Variants in SLC8A1 observed in about 807,000 individuals in gnomAD.
The protein encoded by SLC8A1 is sodium/calcium exchanger 1.
In SLC8A1, 18 loss-of-function variants were observed where a neutral mutation model predicts 68.3. That is an observed-to-expected ratio of 0.26 (90% CI 0.18 to 0.39). The LOEUF (loss-of-function observed/expected upper bound fraction) is 0.39, where lower values mean the gene tolerates loss of function less well. Among genes scored for constraint, SLC8A1 ranks in the 10% least tolerant of loss-of-function variants. The pLI, the probability that SLC8A1 is intolerant of heterozygous loss-of-function variation, is 1.00. For missense variants in SLC8A1, 985 were observed against 1,156.7 expected (o/e 0.85, Z 2.15); for synonymous variants, 475 against 415.5 (o/e 1.14, Z -1.74).
At chr2:40,204,660 A>G (rs573591721) in intron 2 of SLC8A1, among the ~76,000 whole-genome samples, 17 of 152,144 alleles carry the variant, frequency 1.1e-4, no homozygotes, top group African/African-American at 4.1e-4. Context: ...AATAGGTCAG[A>G]CAGGTTAGTC....
intron 2 of SLC8A1, among the ~76,000 whole-genome samples, chr2:40,259,365 A>C (rs926033784): frequency 6.6e-6 from 1 of 152,244 alleles, no homozygotes; most frequent in Non-Finnish European, 1.5e-5. Flanking sequence ...ACTTAACAGA[A>C]GTCCTACCCT....
intron 2 of SLC8A1, among the ~76,000 whole-genome samples, chr2:40,301,312 T>C (rs1489944041): frequency 6.6e-6 from 1 of 152,248 alleles, no homozygotes; most frequent in Non-Finnish European, 1.5e-5. Context: ...TGTGATAACT[T>C]GTCCAAGGCC....
intron 2 of SLC8A1, among the ~76,000 whole-genome samples, chr2:40,278,870 T>A (rs1397299585): frequency 2.0e-5 from 3 of 152,242 alleles, no homozygotes; most frequent in African/African-American, 2.4e-5. Context: ...AAGGTTTTTT[T>A]TAAATTATTA....
At chr2:40,301,867 C>G (rs2071522497) in intron 2 of SLC8A1, among the ~76,000 whole-genome samples, 1 of 151,860 alleles carries the variant, frequency 6.6e-6, no homozygotes, top group East Asian at 1.9e-4. Context: ...TATACTGAAC[C>G]CCAATTTTTT....
intron 2 of SLC8A1, among the ~76,000 whole-genome samples, chr2:40,303,312 G>C (rs2071891176): frequency 6.6e-6 from 1 of 152,180 alleles, no homozygotes; most frequent in Admixed American, 6.6e-5. Flanking sequence ...CCGCTTAGTT[G>C]CACACACATT....
At chr2:40,364,640 A>C (rs1194151775) in intron 2 of SLC8A1, among the ~76,000 whole-genome samples, 1 of 152,016 alleles carries the variant, frequency 6.6e-6, no homozygotes, top group Non-Finnish European at 1.5e-5. Flanking sequence ...TGAGAAACGT[A>C]CCAGCTGTTA....
At chr2:40,199,570 T>G in intron 2 of SLC8A1, among the ~76,000 whole-genome samples, 1 of 151,496 alleles carries the variant, frequency 6.6e-6, no homozygotes, top group Non-Finnish European at 1.5e-5. Flanking sequence ...CACAGAAGTG[T>G]TTGTGGCAAA....
exon 8 of SLC8A1, chr2:40,105,679 A>G (rs2125038403): frequency 6.6e-6 from 1 of 152,340 alleles, no homozygotes; most frequent in South Asian, 2.1e-4. Context: ...ACTGGCAACA[A>G]GCACGTGATT....
rs564909329 is a variant in SLC8A1, at chr2:40,274,588, A to AT, written c.1809-96734dup. Among the ~76,000 whole-genome samples, 22 of 152,352 alleles carry AT rather than the reference A, an allele frequency of 1.4e-4. No individual in the cohort carries two copies. In the South Asian group the frequency reaches 4.1e-3, roughly 29 times the overall value. On this transcript the variant is annotated intron_variant, in intron 2 of 7. Transcript: ENST00000406785. ...CAGACATTTTGCAAAAGATCAGATGATGATACAAGCATATCAACAGGCTTC... is the reference window on the plus strand; with the variant it reads ...CAGACATTTTGCAAAAGATCAGATGATTGATACAAGCATATCAACAGGCTTC...
chr2:40,343,225 C>G (rs1191616635), intron 2 of SLC8A1, among the ~76,000 whole-genome samples: 1 of 152,074 alleles, frequency 6.6e-6, no homozygotes, highest in Non-Finnish European at 1.5e-5. Flanking sequence ...CTTTTAAACT[C>G]TGTTTAATTA....
In SLC8A1 at chr2:40,300,069, T is replaced by C. The variant is rs79545581; in HGVS notation, c.1809-122214A>G. On this transcript the variant is annotated intron_variant, in intron 2 of 7. Coordinates refer to ENST00000406785, the Ensembl canonical transcript of SLC8A1. ...CTCAAAGTTTCAGGTTCCTTATCCA[T>C]AAAATTCTGAAACTGGGCCACAGGA... 2.1e-3 allele frequency among the ~76,000 whole-genome samples: 326 copies of C among 152,224 alleles called. 8 individuals carry two copies. The East Asian group carries it at 0.047, about 22-fold the overall frequency.
At chr2:40,314,321 T>G (rs1383680179) in intron 2 of SLC8A1, among the ~76,000 whole-genome samples, 3 of 152,098 alleles carry the variant, frequency 2.0e-5, no homozygotes, top group Admixed American at 6.6e-5. Context: ...TTCATATATG[T>G]GTGGATCTAT....
intron 2 of SLC8A1, among the ~76,000 whole-genome samples, chr2:40,218,951 G>C (rs959279963): frequency 1.3e-5 from 2 of 152,056 alleles, no homozygotes; most frequent in Non-Finnish European, 2.9e-5. Context: ...TTACACTAAA[G>C]TTTTGACTTA....
chr2:40,504,750 A>C (rs1183776643), intron 1 of SLC8A1, among the ~76,000 whole-genome samples: 2 of 152,002 alleles, frequency 1.3e-5, no homozygotes, highest in Non-Finnish European at 2.9e-5. Flanking sequence ...GCAAATCAAA[A>C]CTAAATGTGA....
chr2:40,158,160 A>G (rs1336183509), intron 6 of SLC8A1, among the ~76,000 whole-genome samples: 2 of 152,254 alleles, frequency 1.3e-5, no homozygotes, highest in Admixed American at 6.5e-5. Context: ...TATTTGTAAT[A>G]AGGCAAATTG....
chr2:40,350,189 C>T (rs12987979), intron 2 of SLC8A1, among the ~76,000 whole-genome samples: 74,855 of 151,958 alleles, frequency 0.49, 19,050 homozygotes, highest in East Asian at 0.68. Flanking sequence ...CTATCAACGA[C>T]GCCATTTATC....
chr2:40,417,415 A>G (rs1694200993), intron 2 of SLC8A1, among the ~76,000 whole-genome samples: 1 of 152,198 alleles, frequency 6.6e-6, no homozygotes, highest in Non-Finnish European at 1.5e-5. Context: ...CATGTTTCTT[A>G]ATATTCAATT....
At chr2:40,205,575 C>A (rs1217817661) in intron 2 of SLC8A1, among the ~76,000 whole-genome samples, 2 of 152,036 alleles carry the variant, frequency 1.3e-5, no homozygotes, top group Non-Finnish European at 2.9e-5. Context: ...CAGGTTCTCA[C>A]TTACAAGAGG....
chr2:40,368,834 A>G (rs1677085107), intron 2 of SLC8A1, among the ~76,000 whole-genome samples: 1 of 152,078 alleles, frequency 6.6e-6, no homozygotes. Flanking sequence ...CTGGTACAAA[A>G]ATAGACATAA....
Sources: gnomAD v4.1 joint callset for allele counts (sites outside exome capture counted in the v4.1 genomes callset) on GRCh38, gnomAD v4.1.1 for gene constraint, MANE v1.5 for transcripts, NCBI Gene and HGNC (gene_info 2026-07-23, HGNC 2026-07-21) for gene names.